The following EVI5 variants were observed in gnomAD, a reference collection of about 807,000 sequenced individuals.
The protein encoded by EVI5 is ecotropic viral integration site 5, also known as ecotropic viral integration site 5 protein homolog.
Under a neutral mutation model 112.0 loss-of-function variants are expected in EVI5, and 73 were observed. The observed-to-expected ratio is 0.65, with a 90% CI of 0.54 to 0.79. The LOEUF is 0.79. Ranked by LOEUF, EVI5 falls within the 30% of genes least tolerant of loss-of-function variation. The pLI is 0.00. For synonymous variants in EVI5, 305 were observed against 319.9 expected, an observed-to-expected ratio of 0.95 and a Z score of 0.50; for missense variants, 900 against 968.8, an observed-to-expected ratio of 0.93 and a Z score of 0.94.
At chr1:92,684,053 A>T (rs1052422667) in intron 9 of EVI5, among the ~76,000 whole-genome samples, 5 of 152,168 alleles carry the variant, frequency 3.3e-5, no homozygotes, top group African/African-American at 1.2e-4. Context: ...AACAGAGAAC[A>T]CCACAAAGAT....
chr1:92,758,764 A>G (rs993955888), intron 1 of EVI5, among the ~76,000 whole-genome samples: 9 of 152,112 alleles, frequency 5.9e-5, no homozygotes, highest in African/African-American at 2.2e-4. Flanking sequence ...TTGGGGTCAG[A>G]GAGAGTTCTT....
chr1:92,553,548 G>A (rs1667280401), intron 19 of EVI5, among the ~76,000 whole-genome samples: 1 of 151,912 alleles, frequency 6.6e-6, no homozygotes, highest in Admixed American at 6.6e-5. Context: ...TGATCCCTCT[G>A]CCTCGGCCTC....
chr1:92,791,120 A>G (rs1459532028), intron 1 of EVI5, among the ~76,000 whole-genome samples: 2 of 152,218 alleles, frequency 1.3e-5, no homozygotes, highest in East Asian at 1.9e-4. Context: ...TGGGACATCA[A>G]TAGTGTGCCA....
intron 1 of EVI5, among the ~76,000 whole-genome samples, chr1:92,751,748 C>A (rs1205582005): frequency 6.6e-6 from 1 of 152,104 alleles, no homozygotes; most frequent in Admixed American, 6.5e-5. Flanking sequence ...CACAGTGGCT[C>A]CCGTCTGTAA....
At chr1:92,624,424 T>C (rs1557927561) in intron 15 of EVI5, 90 bp from the exon 16 acceptor site, 1 of 961,316 alleles carries the variant, frequency 1.0e-6, no homozygotes, top group Non-Finnish European at 1.6e-6. Context: ...GCCTGTGATA[T>C]ATAAAACACT....
intron 13 of EVI5, among the ~76,000 whole-genome samples, chr1:92,643,923 GAGAA>G (rs1557982187): frequency 3.2e-5 from 1 of 31,098 alleles, no homozygotes. Flanking sequence ...AAGAAAAAAA[GAGAA>G]AGATTCTTGT....
At chr1:92,590,743 A>G (rs188934052) in intron 18 of EVI5, among the ~76,000 whole-genome samples, 1 of 152,216 alleles carries the variant, frequency 6.6e-6, no homozygotes, top group Non-Finnish European at 1.5e-5. Context: ...CCAACATTCA[A>G]ATTCAGGAAA....
At chr1:92,769,376 A>G (rs1247327566) in intron 1 of EVI5, among the ~76,000 whole-genome samples, 1 of 152,190 alleles carries the variant, frequency 6.6e-6, no homozygotes, top group Non-Finnish European at 1.5e-5. Context: ...AAATTAGAAA[A>G]TTTTACATAT....
At chr1:92,606,567 TTC>T (rs1000077705) in intron 17 of EVI5, among the ~76,000 whole-genome samples, 2 of 152,194 alleles carry the variant, frequency 1.3e-5, no homozygotes, top group African/African-American at 4.8e-5. Flanking sequence ...GCCTACAGAT[TTC>T]TGTCAGTATA....
intron 18 of EVI5, among the ~76,000 whole-genome samples, chr1:92,573,273 A>C (rs1384798202): frequency 6.6e-6 from 1 of 152,058 alleles, no homozygotes; most frequent in Non-Finnish European, 1.5e-5. Flanking sequence ...TGTATTTTGA[A>C]AGCTACACAA....
At chr1:92,654,659 T>C (rs1662711662) in intron 13 of EVI5, among the ~76,000 whole-genome samples, 1 of 152,112 alleles carries the variant, frequency 6.6e-6, no homozygotes, top group Non-Finnish European at 1.5e-5. Flanking sequence ...ACTAAATCTC[T>C]AGCAATAGAT....
intron 18 of EVI5, among the ~76,000 whole-genome samples, chr1:92,582,206 A>G (rs1672050814): frequency 6.6e-6 from 1 of 152,214 alleles, no homozygotes; most frequent in Non-Finnish European, 1.5e-5. Context: ...TGTGTGTCTA[A>G]ATATTTAAAC....
chr1:92,620,720 A>G (rs949637873), intron 16 of EVI5, among the ~76,000 whole-genome samples: 4 of 152,182 alleles, frequency 2.6e-5, no homozygotes, highest in Non-Finnish European at 4.4e-5. Context: ...AAAAACCAGC[A>G]CTAAAGGAAA....
chr1:92,517,367 C>A (rs1660084268), intron 19 of EVI5, among the ~76,000 whole-genome samples: 1 of 152,136 alleles, frequency 6.6e-6, no homozygotes, highest in Admixed American at 6.5e-5. Context: ...ACTTGAGCAT[C>A]CATGGATTTT....
At chr1:92,595,351 TG>T (rs1439962053) in intron 18 of EVI5, among the ~76,000 whole-genome samples, 1 of 150,542 alleles carries the variant, frequency 6.6e-6, no homozygotes, top group Non-Finnish European at 1.5e-5. Flanking sequence ...CACTCATAGG[TG>T]GGAATTGAAC....
At chr1:92,700,627 G>T (rs1172522280) in intron 5 of EVI5, among the ~76,000 whole-genome samples, 3 of 152,112 alleles carry the variant, frequency 2.0e-5, no homozygotes, top group Admixed American at 2.0e-4. Context: ...GATTCCTAGA[G>T]GATTCACAGG....
intron 19 of EVI5, among the ~76,000 whole-genome samples, chr1:92,514,518 T>A (rs1056658261): frequency 1.3e-5 from 2 of 152,156 alleles, no homozygotes; most frequent in Non-Finnish European, 2.9e-5. Flanking sequence ...TATTTACTTT[T>A]CTCATTCTAC....
At chr1:92,718,613 T>A (rs1053595610) in intron 2 of EVI5, among the ~76,000 whole-genome samples, 5 of 152,012 alleles carry the variant, frequency 3.3e-5, no homozygotes, top group South Asian at 2.1e-4. Context: ...ATTGACACCA[T>A]AACATCACAA....
At chr1:92,774,267 G>C (rs74101362) in intron 1 of EVI5, among the ~76,000 whole-genome samples, 3,951 of 152,152 alleles carry the variant, frequency 0.026, 131 homozygotes, top group African/African-American at 0.074. Flanking sequence ...TGGTATGCCT[G>C]AAGATATTAC....
Sources: gnomAD v4.1 joint callset for allele counts (sites outside exome capture counted in the v4.1 genomes callset) on GRCh38, gnomAD v4.1.1 for gene constraint, MANE v1.5 for transcripts, NCBI Gene and HGNC (gene_info 2026-07-23, HGNC 2026-07-21) for gene names.